The following AMPH variants were observed in gnomAD, a reference collection of about 807,000 sequenced individuals.
AMPH encodes the protein amphiphysin.
AMPH carries 49 observed loss-of-function variants against 99.1 expected under a neutral mutation model. The observed-to-expected ratio is 0.49, with a 90% confidence interval of 0.39 to 0.63. The LOEUF (loss-of-function observed/expected upper bound fraction) is 0.63, where lower values mean the gene tolerates loss of function less well. AMPH is among the 20% of genes least tolerant of loss of function. The pLI is 0.00. For missense variants in AMPH, 759 were observed against 863.4 expected (o/e 0.88, Z 1.52); for synonymous variants, 314 against 317.3 (o/e 0.99, Z 0.11).
intron 11 of AMPH, among the ~76,000 whole-genome samples, chr7:38,439,325 G>A (rs543260750): frequency 6.6e-6 from 1 of 152,266 alleles, no homozygotes; most frequent in African/African-American, 2.4e-5. Flanking sequence ...TATCCATAAT[G>A]CCAATTGGAC....
Position 38,391,846 on chromosome 7 carries a change from G to A in AMPH, c.1780C>T (p.Pro594Ser), listed in dbSNP as rs1304355821. 6.2e-7 allele frequency: 1 copy of A among 1,613,198 alleles called. No individual in the cohort carries two copies. Among genetic ancestry groups the A allele is most frequent in the South Asian group, 1.1e-5 (1 of 90,974 alleles). Residue 594 changes from proline to serine, a missense_variant, in exon 19 of 21, where the codon CCT becomes TCT. Physicochemically the swap from Pro to Ser is moderately conservative, Grantham distance 74. Coordinates refer to ENST00000356264, the MANE Select transcript of AMPH (RefSeq NM_001635.4). ...GCTGGTGCAGAAGGCGTGGGCTGAG[G>A]GTCCTGGATAGGCTTCTGCTCCGTA... ...LATEQKPIQD[P>S]QPTPSAPAMG...
Position 38,465,504 on chromosome 7 carries a change from G to T in AMPH, c.712C>A (p.His238Asn). ...TGGATGGTGAAGGCCTTGTCGGCGT[G>T]CTGGTCACCCAGTTTTGTCATCACT... The part of the protein sequence containing the change: ...YEVMTKLGDQ[H>N]ADKAFTIQGA... Residue 238 changes from histidine to asparagine, a missense_variant, in exon 9 of 21, where the codon CAC becomes AAC. By Grantham distance (68) the His-to-Asn change is moderately conservative. Transcript: ENST00000356264. 6.3e-7 allele frequency: 1 copy of T among 1,585,814 alleles called. No homozygotes were observed. The highest frequency in any genetic ancestry group is 8.6e-7 in the Non-Finnish European group (1 of 1,164,334).
intron 12 of AMPH, among the ~76,000 whole-genome samples, chr7:38,434,426 C>G (rs1243727146): frequency 6.6e-6 from 1 of 152,136 alleles, no homozygotes; most frequent in Non-Finnish European, 1.5e-5. Flanking sequence ...ACTGCAGAAA[C>G]TTTGCATCTG....
chr7:38,571,268 T>TATATATGA (rs1791991599), intron 1 of AMPH, among the ~76,000 whole-genome samples: 1 of 41,062 alleles, frequency 2.4e-5, no homozygotes, highest in Non-Finnish European at 4.3e-5. Flanking sequence ...AATATATATT[T>TATATATGA]ATATATATAT....
At chr7:38,431,623 T>G (rs887572956) in intron 13 of AMPH, among the ~76,000 whole-genome samples, 28 of 142,904 alleles carry the variant, frequency 2.0e-4, no homozygotes, top group African/African-American at 6.9e-4. Context: ...GCCATTGCAC[T>G]CCAGCACTCA....
rs1408863597 is a variant in AMPH at position 38,631,138 on chromosome 7, A to T, written c.69+145T>A. On this transcript the variant is annotated intron_variant, in intron 1 of 20. Coordinates refer to ENST00000356264, the MANE Select transcript of AMPH (RefSeq NM_001635.4). ...TTGCGGCAGTCACCGAGCTGAGGGC[A>T]GGGCGTCCCAGCGTCCCTGGCCCCG... 6 of 636,498 alleles carry T rather than the reference A, an allele frequency of 9.4e-6. 1 individual carries two copies. In the South Asian group the frequency reaches 2.9e-4, roughly 31 times the overall value. The allele number at this position is 636,498 out of a possible 1,614,324, so 39.4% of individuals were successfully genotyped here.
intron 1 of AMPH, among the ~76,000 whole-genome samples, chr7:38,544,174 T>C (rs1040049701): frequency 6.6e-6 from 1 of 152,238 alleles, no homozygotes; most frequent in African/African-American, 2.4e-5. Context: ...GCTTGATCCA[T>C]ACTTTTGTTA....
At chr7:38,453,968 G>A (rs1393515682) in intron 11 of AMPH, among the ~76,000 whole-genome samples, 1 of 152,198 alleles carries the variant, frequency 6.6e-6, no homozygotes, top group Non-Finnish European at 1.5e-5. Flanking sequence ...TTTGTCCCAG[G>A]ACAACTGGGA....
chr7:38,594,754 CAAACA>C (rs1284413176), intron 1 of AMPH, among the ~76,000 whole-genome samples: 16 of 152,152 alleles, frequency 1.1e-4, no homozygotes, highest in Admixed American at 7.2e-4. Flanking sequence ...ATGGGCCAAA[CAAACA>C]AATCTGCATC....
At chr7:38,611,056 G>A (rs1158946209) in intron 1 of AMPH, among the ~76,000 whole-genome samples, 1 of 152,200 alleles carries the variant, frequency 6.6e-6, no homozygotes, top group Non-Finnish European at 1.5e-5. Flanking sequence ...GACAAGAGGT[G>A]TAAACAAACC....
At chr7:38,591,451 C>A (rs374953510) in intron 1 of AMPH, among the ~76,000 whole-genome samples, 159 of 152,132 alleles carry the variant, frequency 1.0e-3, no homozygotes, top group African/African-American at 3.7e-3. Flanking sequence ...CCATGCCCGG[C>A]TAATTTTGTA....
At chr7:38,561,287 T>C (rs1175066208) in intron 1 of AMPH, among the ~76,000 whole-genome samples, 1 of 152,224 alleles carries the variant, frequency 6.6e-6, no homozygotes, top group Non-Finnish European at 1.5e-5. Flanking sequence ...TTAATAGTTA[T>C]CAACATTCCA....
intron 5 of AMPH, among the ~76,000 whole-genome samples, chr7:38,478,053 G>T (rs1788150765): frequency 2.3e-5 from 3 of 133,146 alleles, no homozygotes; most frequent in Admixed American, 1.6e-4. Flanking sequence ...GGCCGGGAAA[G>T]GATTTAAAAC....
rs1785442249 is a variant in AMPH at position 38,417,906 on chromosome 7, C to T, written c.1317G>A (p.Glu439=). 5 of 1,614,040 alleles carry T rather than the reference C, an allele frequency of 3.1e-6. No individual in the cohort carries two copies. Among genetic ancestry groups the T allele is most frequent in the Admixed American group, 1.7e-5 (1 of 60,010 alleles). The change falls in exon 17 of 21, where the codon GAG becomes GAA. Residue 439 remains glutamate (E), a synonymous_variant. Transcript: ENST00000356264. Reference sequence around the variant, plus strand: ...CGGCAGGTGTGACAGCAGCCAGAGGCTCCTCTGCTTTTGGCTCTGTGGGTG... The same window carrying T: ...CGGCAGGTGTGACAGCAGCCAGAGGTTCCTCTGCTTTTGGCTCTGTGGGTG... ...QAPPTEPKAE[E]PLAAVTPAVG... is the part of the protein sequence containing the mutation.
chr7:38,405,825 A>G (rs1784970063), intron 17 of AMPH, among the ~76,000 whole-genome samples: 1 of 152,328 alleles, frequency 6.6e-6, no homozygotes, highest in Admixed American at 6.5e-5. Context: ...AAGGCAGAAA[A>G]CTAACACAGA....
rs1162482532 is a variant in AMPH at position 38,384,739 on chromosome 7, TAAC to T, written c.*76_*78del. 1.9e-5 allele frequency: 23 copies of T among 1,191,012 alleles called. No individual in the cohort carries two copies. In the East Asian group the frequency reaches 5.2e-4, roughly 27 times the overall value. The allele number at this position is 1,191,012 out of a possible 1,614,324, so 73.8% of individuals were successfully genotyped here. A position where few individuals can be genotyped will look rare whatever the true frequency, so the allele number is the denominator to read the frequency against. ...AGTCTGTAAATCATTAAGAGCATAATAACAAAAGTGAACTCTTCAGGTTTTCAT... is the reference window on the plus strand; with the variant it reads ...AGTCTGTAAATCATTAAGAGCATAATAAAAGTGAACTCTTCAGGTTTTCAT... On this transcript the variant is annotated 3_prime_UTR_variant, in exon 21 of 21. Coordinates refer to ENST00000356264, the MANE Select transcript of AMPH (RefSeq NM_001635.4).
rs61366145 is a variant in AMPH, at chr7:38,441,810, C to CATATATCTG, written c.1018-5423_1018-5422insCAGATATAT. ...TCTGTCATATATATCATATATATAT[C>CATATATCTG]ATATATATCATATATCATATATATC... On this transcript the variant is annotated intron_variant, in intron 11 of 20. Transcript: ENST00000356264. 4.6e-4 allele frequency among the ~76,000 whole-genome samples: 32 copies of CATATATCTG among 69,614 alleles called. 1 individual carries two copies. The highest frequency in any genetic ancestry group is 4.4e-3 in the East Asian group (10 of 2,284). 45.7% of individuals were successfully genotyped at this position (69,614 alleles called of 152,430 possible).
At chr7:38,525,135 T>C (rs1790114367) in intron 2 of AMPH, among the ~76,000 whole-genome samples, 1 of 150,782 alleles carries the variant, frequency 6.6e-6, no homozygotes, top group South Asian at 2.1e-4. Flanking sequence ...TGTGTGTGTA[T>C]ATATATAGTT....
chr7:38,464,137 T>C (rs1264795108), intron 9 of AMPH: 1 of 1,289,686 alleles, frequency 7.8e-7, no homozygotes, highest in South Asian at 1.2e-5. Context: ...GGAACATTCA[T>C]TAAGTGGTCA....
Sources: allele counts gnomAD v4.1 joint callset (sites outside exome capture counted in the v4.1 genomes callset), GRCh38; gene constraint gnomAD v4.1.1; transcripts MANE v1.5; gene names NCBI Gene and HGNC (gene_info 2026-07-23, HGNC 2026-07-21).